The following PRPF19 variants were observed in gnomAD, a reference collection of about 807,000 sequenced individuals.
PRPF19 encodes pre-mRNA processing factor 19, also known as pre-mRNA-processing factor 19.
PRPF19 carries 2 observed loss-of-function variants against 64.2 expected under a neutral mutation model. The observed-to-expected ratio is 0.03, with a 90% CI of 0.01 to 0.10. The LOEUF (loss-of-function observed/expected upper bound fraction) is 0.10. Among genes scored for constraint, PRPF19 ranks in the 10% least tolerant of loss-of-function variants. PRPF19 has a pLI of 1.00. For missense variants in PRPF19, 314 were observed against 650.0 expected, an observed-to-expected ratio of 0.48 and a Z score of 5.62; for synonymous variants, 226 against 251.6, an observed-to-expected ratio of 0.90 and a Z score of 0.96.
At chr11:60,905,212 C>T (rs754078481) in intron 1 of PRPF19, among the ~76,000 whole-genome samples, 2 of 152,216 alleles carry the variant, frequency 1.3e-5, no homozygotes, top group Non-Finnish European at 2.9e-5. Flanking sequence ...ATAAGGATTA[C>T]AGCTGGTCTC....
At position 60,906,516 on chromosome 11, in the gene PRPF19, T is replaced by TGCTA; in HGVS notation, c.-138_-135dup. On this transcript the variant is annotated 5_prime_UTR_variant, in exon 1 of 16. Coordinates refer to ENST00000227524, the MANE Select transcript of PRPF19 (RefSeq NM_014502.5). ...GAGCTGGGAGCCGCCAGCCGAGCGA[T>TGCTA]GCTAGCGTAGCGCTTCACGTGGGAA... 1 of 956,312 alleles carries TGCTA rather than the reference T, an allele frequency of 1.0e-6. No homozygotes were observed. Among genetic ancestry groups the TGCTA allele is most frequent in the South Asian group, 1.6e-5 (1 of 63,232 alleles). The allele number at this position is 956,312 out of a possible 1,614,324, so 59.2% of individuals were successfully genotyped here.
At position 60,898,001 on chromosome 11, in the gene PRPF19, G is replaced by A. The variant is rs374163471; in HGVS notation, c.1312-50C>T. ...GTCACACAAGGGGAACAGAAACTAT[G>A]GGGCAGTTGCGGATAAGCAGAAGCA... is the stretch of plus-strand genomic sequence containing the variant. On this transcript the variant is annotated intron_variant, in intron 14 of 15. Coordinates refer to ENST00000227524, the MANE Select transcript of PRPF19 (RefSeq NM_014502.5). This position sits in a 1 kb window ranked among gnomAD's most constrained non-coding sequence, Gnocchi z 4.6. 2.5e-6 allele frequency: 4 copies of A among 1,607,652 alleles called. No homozygotes were observed. Among genetic ancestry groups the A allele is most frequent in the Non-Finnish European group, 3.4e-6 (4 of 1,175,258 alleles).
chr11:60,897,301 A>G (rs1006183412), intron 15 of PRPF19, among the ~76,000 whole-genome samples: 2 of 152,250 alleles, frequency 1.3e-5, no homozygotes, highest in Non-Finnish European at 2.9e-5. Flanking sequence ...CCTAGGAGCA[A>G]TAATAGACTA....
At chr11:60,893,856 T>C (rs1037552190) in intron 15 of PRPF19, among the ~76,000 whole-genome samples, 1 of 151,898 alleles carries the variant, frequency 6.6e-6, no homozygotes, top group South Asian at 2.1e-4. Flanking sequence ...GAGGTGGAGG[T>C]TGCATTGAGC....
chr11:60,902,574 G>T lies in PRPF19; in HGVS notation c.462+9C>A. ...AATGGGCTGCTGGTAAGGGAAGGGG[G>T]ACACTTACCACAACACTTGGTTGGG... On this transcript the variant is annotated intron_variant, in intron 5 of 15. Transcript: ENST00000227524. The surrounding 1 kb of genome is among the most constrained non-coding windows in gnomAD (Gnocchi z 5.0). 1.2e-6 allele frequency: 2 copies of T among 1,611,942 alleles called. No homozygotes were observed. Among genetic ancestry groups the T allele is most frequent in the South Asian group, 2.2e-5 (2 of 91,020 alleles).
At chr11:60,903,905 T>C (rs780653182) in intron 1 of PRPF19, 44 bp from the exon 2 acceptor site, 3 of 1,594,610 alleles carry the variant, frequency 1.9e-6, no homozygotes, top group South Asian at 1.1e-5. Flanking sequence ...GAAGGCAATC[T>C]TGGGCCTAGA....
At chr11:60,903,645 G>C in intron 2 of PRPF19, 67 bp downstream of exon 2, 1 of 1,578,852 alleles carries the variant, frequency 6.3e-7, no homozygotes, top group Non-Finnish European at 8.6e-7. Flanking sequence ...CCAGTGCACT[G>C]GCACCACCTC....
chr11:60,906,465 C>A lies in PRPF19; in HGVS notation c.-83G>T. 7.0e-7 allele frequency: 1 copy of A among 1,435,998 alleles called. No individual in the cohort carries two copies. Among genetic ancestry groups the A allele is most frequent in the Non-Finnish European group, 9.5e-7 (1 of 1,055,186 alleles). The allele number at this position is 1,435,998 out of a possible 1,614,324, so 89.0% of individuals were successfully genotyped here. On this transcript the variant is annotated 5_prime_UTR_variant, in exon 1 of 16. Coordinates refer to ENST00000227524, the MANE Select transcript of PRPF19 (RefSeq NM_014502.5). ...CCTCCGCGAGCCACTTCCGGTCCCC[C>A]GCTGCTGCCGGGACTGCTCCGCGGC...
At chr11:60,904,281 C>T (rs1330244816) in intron 1 of PRPF19, among the ~76,000 whole-genome samples, 1 of 152,202 alleles carries the variant, frequency 6.6e-6, no homozygotes, top group African/African-American at 2.4e-5. Context: ...TAGCTCCAGA[C>T]AGATTATCAA....
chr11:60,898,109 T>G lies in PRPF19; in HGVS notation c.1303A>C (p.Asn435His), dbSNP rs1440065457. The G allele has an allele frequency of 6.2e-7, 1 of 1,613,898 alleles. No homozygotes were observed. Among genetic ancestry groups the G allele is most frequent in the African/African-American group, 1.3e-5 (1 of 74,892 alleles). ...KNFKTLQLDN[N>H]FEVKSLIFDQ... The stretch of plus-strand genomic sequence containing the variant: ...GAGGGGGAAGGGCACACCTCAAAGT[T>G]GTTATCCAGCTGCAAAGTCTTAAAG... Residue 435 changes from asparagine (N) to histidine (H), a missense_variant, in exon 14 of 16, where the codon AAC (asparagine) becomes CAC (histidine). Coordinates refer to ENST00000227524, the MANE Select transcript of PRPF19 (RefSeq NM_014502.5). This position sits in a 1 kb window ranked among gnomAD's most constrained non-coding sequence, Gnocchi z 4.6.
intron 10 of PRPF19, among the ~76,000 whole-genome samples, chr11:60,899,858 A>C (rs939913151): frequency 6.6e-6 from 1 of 152,256 alleles, no homozygotes; most frequent in Non-Finnish European, 1.5e-5. Context: ...TAAAAGCCAT[A>C]AGGTAAAAAT....
intron 15 of PRPF19, among the ~76,000 whole-genome samples, chr11:60,896,672 T>G (rs1253809081): frequency 6.6e-6 from 1 of 152,166 alleles, no homozygotes; most frequent in Non-Finnish European, 1.5e-5. Context: ...TCACTGTGAG[T>G]CAATTAAACC....
At chr11:60,903,564 A>C in intron 2 of PRPF19, 29 bp from the exon 3 acceptor site, 3 of 1,611,900 alleles carry the variant, frequency 1.9e-6, no homozygotes, top group Non-Finnish European at 2.5e-6. Context: ...GGTATGAAGA[A>C]CATAACCCAG....
chr11:60,898,491 A>T lies in PRPF19; in HGVS notation c.1140+50T>A. The T allele has an allele frequency of 6.2e-7, 1 of 1,613,252 alleles. No individual in the cohort carries two copies. Among genetic ancestry groups the T allele is most frequent in the Non-Finnish European group, 8.5e-7 (1 of 1,179,726 alleles). ...CACCTAATTAGCACTGCATTGTCAC[A>T]AACACTCCCTCTGGCCCTGGGCCTC... On this transcript the variant is annotated intron_variant, in intron 13 of 15. Coordinates refer to ENST00000227524, the MANE Select transcript of PRPF19 (RefSeq NM_014502.5). This position sits in a 1 kb window ranked among gnomAD's most constrained non-coding sequence, Gnocchi z 4.6.
At chr11:60,891,340 T>G in intron 15 of PRPF19, 77 bp from the exon 16 acceptor site, 1 of 1,102,076 alleles carries the variant, frequency 9.1e-7, no homozygotes. Flanking sequence ...AATAACAGAT[T>G]CCCAAACAAC....
intron 10 of PRPF19, among the ~76,000 whole-genome samples, 192 bp downstream of exon 10, chr11:60,900,390 T>TAAAGA (rs1855970626): frequency 6.6e-6 from 1 of 152,232 alleles, no homozygotes; most frequent in Non-Finnish European, 1.5e-5. Context: ...GGCTGGAAGA[T>TAAAGA]CACTGCTTTA....
intron 1 of PRPF19, chr11:60,905,247 C>T (rs1856032395): frequency 6.6e-6 from 1 of 152,156 alleles, no homozygotes; most frequent in African/African-American, 2.4e-5. Flanking sequence ...ATGCAGATGC[C>T]CCCAGGGCAC....
At chr11:60,892,450 C>T (rs939843239) in intron 15 of PRPF19, among the ~76,000 whole-genome samples, 2 of 152,200 alleles carry the variant, frequency 1.3e-5, no homozygotes, top group Non-Finnish European at 2.9e-5. Context: ...TATGTATTCA[C>T]AGACGGTCCC....
At chr11:60,896,332 C>G (rs1040562178) in intron 15 of PRPF19, among the ~76,000 whole-genome samples, 2 of 152,166 alleles carry the variant, frequency 1.3e-5, no homozygotes, top group Non-Finnish European at 1.5e-5. Context: ...GTTGGTGCCC[C>G]CGAAGACCTT....
Sources: gnomAD v4.1 joint callset for allele counts (sites outside exome capture counted in the v4.1 genomes callset) on GRCh38, gnomAD v4.1.1 for gene constraint, Gnocchi (gnomAD v3.1) non-coding constraint, MANE v1.5 for transcripts, NCBI Gene and HGNC (gene_info 2026-07-23, HGNC 2026-07-21) for gene names.